The following TCP11 variants were observed in gnomAD, a reference collection of about 807,000 sequenced individuals.
The protein encoded by TCP11 is T-complex protein 11 homolog.
A neutral mutation model predicts 45.0 loss-of-function variants in TCP11; 34 were observed. The observed-to-expected ratio is 0.76, with a 90% confidence interval of 0.57 to 1.01. TCP11 has a LOEUF of 1.01. Ranked by LOEUF, TCP11 falls within the 50% of genes least tolerant of loss-of-function variation. The pLI is 0.00. For missense variants in TCP11, 523 were observed against 598.1 expected (o/e 0.87, Z 1.31); for synonymous variants, 227 against 227.0 (o/e 1.00, Z 0.00).
chr6:35,135,312 G>C (rs1052400987), intron 3 of TCP11, among the ~76,000 whole-genome samples: 6 of 152,078 alleles, frequency 3.9e-5, no homozygotes, highest in Non-Finnish European at 5.9e-5. Context: ...TATACACCAT[G>C]TTTAGTATAT....
intron 5 of TCP11, among the ~76,000 whole-genome samples, chr6:35,121,524 G>A (rs1779247563): frequency 6.6e-6 from 1 of 151,900 alleles, no homozygotes; most frequent in African/African-American, 2.4e-5. Context: ...CTGGGAAAGG[G>A]CCCGAGGGCT....
intron 3 of TCP11, among the ~76,000 whole-genome samples, chr6:35,133,385 G>A (rs1269560549): frequency 6.6e-6 from 1 of 151,992 alleles, no homozygotes; most frequent in African/African-American, 2.4e-5. Context: ...GTCTCACTAT[G>A]TTGCCCAGGT....
chr6:35,140,542 T>G lies in TCP11; in HGVS notation c.124+205A>C, dbSNP rs571924682. ...TCTTGTCAGATTCAAGTAATCACGC[T>G]TGGGTCACTTCTTTCTCTAGAACCA... is the stretch of plus-strand genomic sequence containing the variant. On this transcript the variant is annotated intron_variant, in intron 2 of 9. Coordinates refer to ENST00000311875, the MANE Select transcript of TCP11 (RefSeq NM_001370687.1). 8 of 665,960 alleles carry G rather than the reference T, an allele frequency of 1.2e-5. No individual in the cohort carries two copies. The East Asian group carries it at 2.4e-4, about 20-fold the overall frequency. The allele number at this position is 665,960 out of a possible 1,614,324, so 41.3% of individuals were successfully genotyped here.
In TCP11 at chr6:35,118,133, A is replaced by C. The variant is rs2127632266; in HGVS notation, c.*136T>G. ...GGACCAGTTGGTGTTTACATGCTTGATCCCTACAGCCTTGGTGTACTGGCT... is the reference window on the plus strand; with the variant it reads ...GGACCAGTTGGTGTTTACATGCTTGCTCCCTACAGCCTTGGTGTACTGGCT... On this transcript the variant is annotated 3_prime_UTR_variant, in exon 10 of 10. Transcript: ENST00000311875. The C allele has an allele frequency of 7.0e-6, 5 of 710,690 alleles. No homozygotes were observed. The highest frequency in any genetic ancestry group is 1.2e-5 in the Non-Finnish European group (5 of 410,192). The allele number at this position is 710,690 out of a possible 1,614,324, so 44.0% of individuals were successfully genotyped here.
At chr6:35,125,070 T>C (rs1779669194) in intron 4 of TCP11, among the ~76,000 whole-genome samples, 1 of 150,112 alleles carries the variant, frequency 6.7e-6, no homozygotes, top group Non-Finnish European at 1.5e-5. Flanking sequence ...GTAATCCAGC[T>C]ACTACTTGGG....
In TCP11 at chr6:35,140,900, AG is replaced by A. The variant is rs1483193922; in HGVS notation, c.-14-17del. ...CTGATGGTATCTGGGTGAGGGAGAA[AG>A]GCGTGTTGTTGGCGTCGGGGAAGGG... is the stretch of plus-strand genomic sequence containing the variant. On this transcript the variant is annotated splice_polypyrimidine_tract_variant and intron_variant, in intron 1 of 9. Coordinates refer to ENST00000311875, the MANE Select transcript of TCP11 (RefSeq NM_001370687.1). 1 of 1,455,674 alleles carries A rather than the reference AG, an allele frequency of 6.9e-7. No homozygotes were observed. The highest frequency in any genetic ancestry group is 9.1e-7 in the Non-Finnish European group (1 of 1,098,424). 90.2% of individuals were successfully genotyped at this position (1,455,674 alleles called of 1,614,324 possible). A position where few individuals can be genotyped will look rare whatever the true frequency, so the allele number is the denominator to read the frequency against.
In TCP11 at chr6:35,120,458, A is replaced by G; in HGVS notation, c.904T>C (p.Trp302Arg). The G allele has an allele frequency of 6.2e-7, 1 of 1,601,130 alleles. No individual in the cohort carries two copies. The highest frequency in any genetic ancestry group is 8.5e-7 in the Non-Finnish European group (1 of 1,173,488). ...GGGAACTCTTCATTTTCAAGGTCCC[A>G]GAGAAGGAGGTTCAAGAAGCCCTGA... ...LCQGFLNLLLWDLENEEFPET... is the reference protein window; with the variant it reads ...LCQGFLNLLLRDLENEEFPET... The change falls in exon 7 of 10, where the codon TGG becomes CGG. Residue 302 changes from tryptophan (W) to arginine (R), a missense_variant. Trp to Arg is a moderately radical substitution (Grantham distance 101). Coordinates refer to ENST00000311875, the MANE Select transcript of TCP11 (RefSeq NM_001370687.1). This position sits in a 1 kb window ranked among gnomAD's most constrained non-coding sequence, Gnocchi z 4.9.
Position 35,120,457 on chromosome 6 carries a change from C to G in TCP11, c.905G>C (p.Trp302Ser). The G allele has an allele frequency of 6.2e-7, 1 of 1,600,596 alleles. No individual in the cohort carries two copies. The highest frequency in any genetic ancestry group is 8.5e-7 in the Non-Finnish European group (1 of 1,173,240). Residue 302 changes from tryptophan (W) to serine (S), a missense_variant, in exon 7 of 10, where the codon TGG (tryptophan) becomes TCG (serine). Transcript: ENST00000311875. This position sits in a 1 kb window ranked among gnomAD's most constrained non-coding sequence, Gnocchi z 4.9. ...LCQGFLNLLL[W>S]DLENEEFPET... ...AGGGAACTCTTCATTTTCAAGGTCC[C>G]AGAGAAGGAGGTTCAAGAAGCCCTG...
At chr6:35,135,297 A>C (rs996359387) in intron 3 of TCP11, among the ~76,000 whole-genome samples, 11 of 152,186 alleles carry the variant, frequency 7.2e-5, no homozygotes, top group Admixed American at 2.0e-4. Flanking sequence ...TGTTTAGTAT[A>C]CATATATACA....
At chr6:35,140,608 A>G (rs1374158709) in intron 2 of TCP11, 139 bp downstream of exon 2, 2 of 696,704 alleles carry the variant, frequency 2.9e-6, no homozygotes, top group South Asian at 3.0e-5. Context: ...CTGTAAGTAA[A>G]GGCGGGTGGG....
rs2234050 is a variant in TCP11, at chr6:35,119,173, C to T, written c.1279+55G>A. On this transcript the variant is annotated intron_variant, in intron 9 of 9. Coordinates refer to ENST00000311875, the MANE Select transcript of TCP11 (RefSeq NM_001370687.1). The stretch of plus-strand genomic sequence containing the variant: ...CATGTTGTTAAAGGTTGGGGTTCCA[C>T]GGTTGGGATCTATCTCTTCCCTCAC... 372 of 1,594,808 alleles carry T rather than the reference C, an allele frequency of 2.3e-4. 1 individual carries two copies. In the African/African-American group the frequency reaches 4.2e-3, roughly 18 times the overall value.
rs576445067 is a variant in TCP11, at chr6:35,134,102, T to C, written c.236+2005A>G. On this transcript the variant is annotated intron_variant, in intron 3 of 9. Transcript: ENST00000311875. ...AAAAGGGTAGCTGATAGGAGCTATATGGTAGGCAGCTGACAAGATAACCCC... is the reference window on the plus strand; with the variant it reads ...AAAAGGGTAGCTGATAGGAGCTATACGGTAGGCAGCTGACAAGATAACCCC... 9.2e-5 allele frequency among the ~76,000 whole-genome samples: 14 copies of C among 152,180 alleles called. No homozygotes were observed. In the South Asian group the frequency reaches 2.1e-3, roughly 23 times the overall value.
intron 4 of TCP11, 41 bp from the exon 5 acceptor site, chr6:35,122,378 TC>T: frequency 6.3e-7 from 1 of 1,584,504 alleles, no homozygotes. Context: ...TCTGTTTAGA[TC>T]CCCAAACTTT....
chr6:35,124,908 G>A (rs532462580), intron 4 of TCP11, among the ~76,000 whole-genome samples: 29 of 151,316 alleles, frequency 1.9e-4, no homozygotes, highest in South Asian at 1.7e-3. Flanking sequence ...ATTCAAAATG[G>A]TAGTGGCTCA....
rs745588245 is a variant in TCP11, at chr6:35,120,963, G to A, written c.661C>T (p.His221Tyr). The change falls in exon 6 of 10, where the codon CAT (histidine) becomes TAT (tyrosine). Residue 221 changes from histidine (H) to tyrosine (Y), a missense_variant. Physicochemically the swap from His to Tyr is moderately conservative, Grantham distance 83. Coordinates refer to ENST00000311875, the MANE Select transcript of TCP11 (RefSeq NM_001370687.1). This position sits in a 1 kb window ranked among gnomAD's most constrained non-coding sequence, Gnocchi z 4.9. ...TTAGCCCGTTCATACTGAATGGAAT[G>A]TTCCTGCAGGTGGGGTTGAAGGCTC... ...IQSLQPHLQEHSIQYERAKFQ... is the reference protein window; with the variant it reads ...IQSLQPHLQEYSIQYERAKFQ... 6 of 1,614,076 alleles carry A rather than the reference G, an allele frequency of 3.7e-6. No individual in the cohort carries two copies. The South Asian group carries it at 6.6e-5, about 18-fold the overall frequency.
At chr6:35,130,866 T>C (rs568874194) in intron 3 of TCP11, among the ~76,000 whole-genome samples, 2 of 152,228 alleles carry the variant, frequency 1.3e-5, no homozygotes, top group Non-Finnish European at 2.9e-5. Flanking sequence ...CCTGGGTATA[T>C]ACCAAAATGA....
chr6:35,140,593 C>T (rs745349596), intron 2 of TCP11, 154 bp downstream of exon 2: 2 of 692,928 alleles, frequency 2.9e-6, no homozygotes, highest in South Asian at 1.5e-5. Context: ...CCTCTGCCCT[C>T]GGGCCTGTAA....
At chr6:35,140,565 C>T (rs1243319366) in intron 2 of TCP11, 182 bp downstream of exon 2, 1 of 680,718 alleles carries the variant, frequency 1.5e-6, no homozygotes, top group African/African-American at 1.8e-5. Context: ...TTCTCTAGAA[C>T]CAAAAACTCT....
At chr6:35,129,332 G>A (rs994978744) in intron 3 of TCP11, 150 bp from the exon 4 acceptor site, 22 of 1,002,180 alleles carry the variant, frequency 2.2e-5, no homozygotes, top group African/African-American at 3.3e-5. Flanking sequence ...CTGCAGCAGA[G>A]TTGAACAAGC....
Sources: gnomAD v4.1 joint callset for allele counts (sites outside exome capture counted in the v4.1 genomes callset) on GRCh38, gnomAD v4.1.1 for gene constraint, Gnocchi (gnomAD v3.1) non-coding constraint, MANE v1.5 for transcripts, NCBI Gene and HGNC (gene_info 2026-07-23, HGNC 2026-07-21) for gene names.